The following SLC22A24 variants were observed in gnomAD, a reference collection of about 807,000 sequenced individuals.
The protein encoded by SLC22A24 is steroid transmembrane transporter SLC22A24.
In SLC22A24, 53 loss-of-function variants were observed where a neutral mutation model predicts 49.8. The observed-to-expected ratio is 1.06, with a 90% CI of 0.85 to 1.34. The LOEUF is 1.34. Among genes scored for constraint, SLC22A24 ranks in the 40% most tolerant of loss-of-function variants. The pLI is 0.00. For missense variants in SLC22A24, 786 were observed against 675.9 expected (o/e 1.16, Z -1.81); for synonymous variants, 302 against 256.4 (o/e 1.18, Z -1.70).
At chr11:63,140,026 CAT>C (rs1005795164) in intron 1 of SLC22A24, among the ~76,000 whole-genome samples, 1 of 149,450 alleles carries the variant, frequency 6.7e-6, no homozygotes, top group Non-Finnish European at 1.5e-5. Flanking sequence ...TTTTTGTTCA[CAT>C]GTCTTTAGTA....
intron 1 of SLC22A24, among the ~76,000 whole-genome samples, chr11:63,137,027 G>A (rs570328326): frequency 5.3e-5 from 8 of 152,246 alleles, no homozygotes; most frequent in East Asian, 1.9e-4. Flanking sequence ...TCCTTCTCTC[G>A]ATGGATTCTG....
At chr11:63,096,532 T>C (rs1944042) in intron 5 of SLC22A24, among the ~76,000 whole-genome samples, 115,737 of 152,118 alleles carry the variant, frequency 0.76, 44,808 homozygotes, top group East Asian at 0.9. Flanking sequence ...GTCCACTTTA[T>C]GATTAGCTTC....
chr11:63,129,799 A>G (rs1182563007), intron 2 of SLC22A24, among the ~76,000 whole-genome samples: 1 of 152,142 alleles, frequency 6.6e-6, no homozygotes. Flanking sequence ...GGTGTGTAGC[A>G]ATGCTTGTGA....
rs1269836922 is a variant in SLC22A24, at chr11:63,083,433, A to G, written c.1095T>C (p.Tyr365=). ...AGTGCTGCAAGTTGAGTATCAGGCC[A>G]TAAAAGGGTACAGTGATTGCGAATC... The part of the protein sequence containing the change: ...FVRFAITVPF[Y]GLILNLQHLG... The change falls in exon 7 of 10, where the codon TAT becomes TAC. Residue 365 remains tyrosine (Y), a synonymous_variant. Transcript: ENST00000612278. The G allele has an allele frequency of 6.4e-6, 10 of 1,551,414 alleles. No homozygotes were observed. The highest frequency in any genetic ancestry group is 7.8e-6 in the Non-Finnish European group (9 of 1,146,768).
chr11:63,139,444 T>A (rs1274601842), intron 1 of SLC22A24, among the ~76,000 whole-genome samples: 1 of 152,182 alleles, frequency 6.6e-6, no homozygotes, highest in African/African-American at 2.4e-5. Context: ...TGGTGTGTAA[T>A]AACTAGGTAG....
At chr11:63,118,828 G>T in intron 4 of SLC22A24, 84 bp downstream of exon 4, 2 of 1,425,700 alleles carry the variant, frequency 1.4e-6, no homozygotes, top group African/African-American at 1.4e-5. Flanking sequence ...GCCAGAGACC[G>T]AACAGATCCC....
intron 2 of SLC22A24, among the ~76,000 whole-genome samples, chr11:63,120,907 T>A (rs2087247389): frequency 6.6e-6 from 1 of 152,090 alleles, no homozygotes; most frequent in African/African-American, 2.4e-5. Context: ...GGAGAAGGAA[T>A]CATTGGAAAA....
At chr11:63,132,320 C>T (rs2087342557) in intron 2 of SLC22A24, among the ~76,000 whole-genome samples, 1 of 152,102 alleles carries the variant, frequency 6.6e-6, no homozygotes, top group Non-Finnish European at 1.5e-5. Context: ...GTTTTTTTCC[C>T]TTGCTGGCAA....
intron 1 of SLC22A24, among the ~76,000 whole-genome samples, chr11:63,136,223 A>C (rs1181877461): frequency 6.6e-6 from 1 of 152,194 alleles, no homozygotes; most frequent in Non-Finnish European, 1.5e-5. Context: ...GCTCCAAAGC[A>C]CTTTCCAAGG....
chr11:63,104,347 A>G (rs949630379), intron 4 of SLC22A24, 49 bp from the exon 5 acceptor site: 10 of 1,499,374 alleles, frequency 6.7e-6, no homozygotes, highest in Non-Finnish European at 8.9e-6. Context: ...CTTATTTGGC[A>G]CTTAACCTTT....
chr11:63,088,089 G>A (rs550187159), intron 6 of SLC22A24, among the ~76,000 whole-genome samples: 8 of 152,304 alleles, frequency 5.3e-5, no homozygotes, highest in Non-Finnish European at 4.4e-5. Flanking sequence ...GGGACAGATT[G>A]CCTCCTCAAG....
intron 2 of SLC22A24, among the ~76,000 whole-genome samples, chr11:63,129,635 T>G (rs1156528898): frequency 6.6e-6 from 1 of 152,248 alleles, no homozygotes; most frequent in Non-Finnish European, 1.5e-5. Flanking sequence ...CACTTGCTTG[T>G]GTCCTCTTTT....
intron 5 of SLC22A24, among the ~76,000 whole-genome samples, chr11:63,103,745 G>A (rs535513194): frequency 6.6e-6 from 1 of 152,104 alleles, no homozygotes; most frequent in South Asian, 2.1e-4. Flanking sequence ...CTTATTTGGT[G>A]CTCAATGGGA....
chr11:63,106,914 G>T (rs1276873134), intron 4 of SLC22A24, among the ~76,000 whole-genome samples: 2 of 152,136 alleles, frequency 1.3e-5, no homozygotes, highest in Non-Finnish European at 2.9e-5. Flanking sequence ...CTTTTGCTGT[G>T]CAGAAGCTCT....
intron 5 of SLC22A24, among the ~76,000 whole-genome samples, chr11:63,102,856 G>A (rs1328838370): frequency 6.6e-6 from 1 of 152,074 alleles, no homozygotes; most frequent in Non-Finnish European, 1.5e-5. Flanking sequence ...TGTACCTCAT[G>A]TCTCTCCCAT....
chr11:63,107,233 G>T (rs1018234983), intron 4 of SLC22A24, among the ~76,000 whole-genome samples: 17 of 152,312 alleles, frequency 1.1e-4, no homozygotes, highest in East Asian at 3.9e-4. Flanking sequence ...TCAAAGATCA[G>T]ATGGTTGTAG....
intron 1 of SLC22A24, among the ~76,000 whole-genome samples, chr11:63,135,762 A>G (rs560366918): frequency 6.6e-6 from 1 of 152,358 alleles, no homozygotes; most frequent in East Asian, 1.9e-4. Context: ...AATGGGCTGT[A>G]AAGCAGTGGA....
chr11:63,095,451 G>C (rs148375176), intron 6 of SLC22A24, among the ~76,000 whole-genome samples: 4 of 152,202 alleles, frequency 2.6e-5, no homozygotes, highest in African/African-American at 9.6e-5. Flanking sequence ...CATATTTAAA[G>C]GTACACAGAT....
intron 4 of SLC22A24, 134 bp from the exon 5 acceptor site, chr11:63,104,432 GCCTCCTCTGCTGGACTCC>G: frequency 2.2e-6 from 2 of 925,332 alleles, no homozygotes; most frequent in Non-Finnish European, 3.1e-6. Flanking sequence ...GACCAAATTG[GCCTCCTCTGCTGGACTCC>G]TAGGGTGAAG....
Sources: allele counts gnomAD v4.1 joint callset (sites outside exome capture counted in the v4.1 genomes callset), GRCh38; gene constraint gnomAD v4.1.1; transcripts MANE v1.5; gene names NCBI Gene and HGNC (gene_info 2026-07-23, HGNC 2026-07-21).